THNSL1: variants seen among roughly 807,000 people sequenced by gnomAD.
THNSL1 encodes the protein threonine synthase-like 1.
In THNSL1, 48 loss-of-function variants were observed where a neutral mutation model predicts 50.4. That is an observed-to-expected ratio of 0.95 (90% CI 0.76 to 1.21). The LOEUF is 1.21. Ranked by LOEUF, THNSL1 falls within the 50% of genes most tolerant of loss-of-function variation. The probability of loss-of-function intolerance (pLI) is 0.00; values close to 1 mark genes in which losing one functional copy is unlikely to be tolerated. For synonymous variants in THNSL1, 309 were observed against 306.1 expected, an observed-to-expected ratio of 1.01 and a Z score of -0.10; for missense variants, 896 against 871.7, an observed-to-expected ratio of 1.03 and a Z score of -0.35.
the THNSL1 span, among the ~76,000 whole-genome samples, chr10:24,960,294 A>G: frequency 1.3e-5 from 2 of 152,166 alleles, no homozygotes; most frequent in Admixed American, 1.3e-4. Flanking sequence ...GTATGGGCAT[A>G]CTGGGCTCAT....
At chr10:24,969,726 ATATT>A in the THNSL1 span, among the ~76,000 whole-genome samples, 1 of 152,236 alleles carries the variant, frequency 6.6e-6, no homozygotes, top group African/African-American at 2.4e-5. Context: ...GCCTTCATCA[ATATT>A]TATCCTCTCT....
chr10:25,016,537 A>G (rs998787251), upstream of THNSL1: 1 of 152,452 alleles, frequency 6.6e-6, no homozygotes, highest in Admixed American at 6.5e-5. Flanking sequence ...GAGCCTGAGG[A>G]GATCGGAGTG....
At chr10:25,014,098 C>T (rs1850511775), upstream of THNSL1, among the ~76,000 whole-genome samples, 1 of 152,206 alleles carries the variant, frequency 6.6e-6, no homozygotes, top group Admixed American at 6.5e-5. Flanking sequence ...AATAGTTCAA[C>T]TGCAGAAAAG....
At chr10:24,994,225 C>G in the THNSL1 span, among the ~76,000 whole-genome samples, 1 of 151,076 alleles carries the variant, frequency 6.6e-6, no homozygotes, top group Non-Finnish European at 1.5e-5. Context: ...TTCTTTATCT[C>G]TCTTCCTTTT....
At chr10:24,981,421 A>G in the THNSL1 span, among the ~76,000 whole-genome samples, 1 of 152,188 alleles carries the variant, frequency 6.6e-6, no homozygotes, top group South Asian at 2.1e-4. Flanking sequence ...AAAGTTACCA[A>G]ATATAGTTAT....
the THNSL1 span, among the ~76,000 whole-genome samples, chr10:24,987,179 C>G: frequency 6.6e-6 from 1 of 152,162 alleles, no homozygotes; most frequent in African/African-American, 2.4e-5. Context: ...TGACTATGAC[C>G]CTCAGCCCAG....
the THNSL1 span, among the ~76,000 whole-genome samples, chr10:24,974,000 C>T: frequency 1.1e-4 from 16 of 152,212 alleles, no homozygotes; most frequent in African/African-American, 3.9e-4. Flanking sequence ...GTGATCCACC[C>T]ACCTCGGCCT....
chr10:24,952,793 G>T, the THNSL1 span, among the ~76,000 whole-genome samples: 1 of 151,566 alleles, frequency 6.6e-6, no homozygotes, highest in East Asian at 2.0e-4. The surrounding 1 kb of genome is among the most constrained non-coding windows in gnomAD (Gnocchi z 5.1). Context: ...TAGGCCGCGG[G>T]GGCGCGGGGA....
intron 2 of THNSL1, 86 bp from the exon 3 acceptor site, chr10:25,023,090 C>G (rs1850757589): frequency 2.5e-6 from 2 of 807,966 alleles, no homozygotes; most frequent in Non-Finnish European, 1.9e-6. Context: ...TGGTTATATT[C>G]AGTCCTATTG....
Position 25,023,566 on chromosome 10 carries a change from G to A in THNSL1, c.343G>A (p.Glu115Lys). ...TGGTAATGAGCAATTTTTAGAAGAG[G>A]AAGGAAAAGCTGTGTTAAACTTCTC... ...DVGNEQFLEE[E>K]GKAVLNFSAS... Residue 115 changes from glutamate (E) to lysine (K), a missense_variant, in exon 3 of 3, where the codon GAA becomes AAA. Transcript: ENST00000376356. 6.2e-7 allele frequency: 1 copy of A among 1,614,130 alleles called. No homozygotes were observed. The highest frequency in any genetic ancestry group is 8.5e-7 in the Non-Finnish European group (1 of 1,179,990).
the THNSL1 span, among the ~76,000 whole-genome samples, chr10:24,975,542 T>C: frequency 5.3e-5 from 8 of 152,222 alleles, no homozygotes; most frequent in Admixed American, 1.3e-4. Flanking sequence ...GATTAAATCA[T>C]GGGAATGCTT....
chr10:24,994,298 T>C, the THNSL1 span, among the ~76,000 whole-genome samples: 1 of 151,798 alleles, frequency 6.6e-6, no homozygotes, highest in South Asian at 2.1e-4. Flanking sequence ...CCTTCATTTC[T>C]TCTTGATGCA....
the THNSL1 span, among the ~76,000 whole-genome samples, chr10:24,957,557 T>C: frequency 6.6e-6 from 1 of 152,212 alleles, no homozygotes. Context: ...CTCGGCTCAC[T>C]GCAACCTCCG....
chr10:25,001,336 G>A, the THNSL1 span, among the ~76,000 whole-genome samples: 6 of 147,714 alleles, frequency 4.1e-5, no homozygotes, highest in African/African-American at 1.5e-4. Flanking sequence ...TTTATTAATA[G>A]TTTTAATAAA....
chr10:25,001,271 T>C, the THNSL1 span, among the ~76,000 whole-genome samples: 1 of 151,912 alleles, frequency 6.6e-6, no homozygotes, highest in South Asian at 2.1e-4. Context: ...TTTTTTCTTC[T>C]TCTTCTATAT....
the THNSL1 span, among the ~76,000 whole-genome samples, chr10:24,964,255 T>C: frequency 6.6e-6 from 1 of 152,192 alleles, no homozygotes; most frequent in Non-Finnish European, 1.5e-5. Context: ...TAACAGCCTT[T>C]ATACTGACCT....
chr10:25,023,971 T>C lies in THNSL1; in HGVS notation c.748T>C (p.Phe250Leu). The C allele has an allele frequency of 6.2e-7, 1 of 1,614,154 alleles. No individual in the cohort carries two copies. The highest frequency in any genetic ancestry group is 8.5e-7 in the Non-Finnish European group (1 of 1,180,002). ...EDCEQKVSAK[F>L]FSEAVIEGLA... ...CTGTGAACAGAAGGTTTCAGCAAAA[T>C]TCTTTAGTGAAGCTGTAATTGAGGG... The change falls in exon 3 of 3, where the codon TTC (phenylalanine) becomes CTC (leucine). Residue 250 changes from phenylalanine (F) to leucine (L), a missense_variant. Transcript: ENST00000376356.
chr10:24,953,917 A>G, the THNSL1 span, among the ~76,000 whole-genome samples: 1 of 152,180 alleles, frequency 6.6e-6, no homozygotes. Flanking sequence ...AGCGCCTTGG[A>G]GGGTGCAGCT....
chr10:25,022,340 A>G (rs1850738350), intron 2 of THNSL1, among the ~76,000 whole-genome samples: 1 of 152,184 alleles, frequency 6.6e-6, no homozygotes, highest in Non-Finnish European at 1.5e-5. Flanking sequence ...GGGTCTGGAA[A>G]TTGAGTTAAA....
Sources: allele counts gnomAD v4.1 joint callset (sites outside exome capture counted in the v4.1 genomes callset), GRCh38; gene constraint gnomAD v4.1.1; non-coding constraint Gnocchi (gnomAD v3.1); transcripts MANE v1.5; gene names NCBI Gene and HGNC (gene_info 2026-07-23, HGNC 2026-07-21).